The following SLC14A2 variants were observed in gnomAD, a reference collection of about 807,000 sequenced individuals.
SLC14A2 encodes the protein solute carrier family 14 member 2.
Under a neutral mutation model 104.6 loss-of-function variants are expected in SLC14A2, and 91 were observed. The observed-to-expected ratio is 0.87, with a 90% CI of 0.73 to 1.04. The LOEUF is 1.04. Among genes scored for constraint, SLC14A2 ranks in the 50% least tolerant of loss-of-function variants. The pLI, the probability that SLC14A2 is intolerant of heterozygous loss-of-function variation, is 0.00. For synonymous variants in SLC14A2, 476 were observed against 466.4 expected (o/e 1.02, Z -0.27); for missense variants, 1,189 against 1,156.0 (o/e 1.03, Z -0.41).
the SLC14A2 span, among the ~76,000 whole-genome samples, chr18:45,180,196 C>T: frequency 2.0e-5 from 3 of 151,916 alleles, no homozygotes; most frequent in African/African-American, 7.2e-5. Context: ...GGGCCTGGAG[C>T]CTGATTGACT....
chr18:45,307,960 C>T lies in SLC14A2; in HGVS notation c.-125+94769C>T, dbSNP rs141463689. On this transcript the variant is annotated intron_variant, in intron 1 of 20. Coordinates refer to the SLC14A2 transcript ENST00000586448. ...GAGGACCTCAGGGAGCTTCCAATCA[C>T]GGCTGAAGGTGAAGAGGTAGCAGAC... 3.1e-3 allele frequency among the ~76,000 whole-genome samples: 477 copies of T among 152,246 alleles called. 3 individuals are homozygous for T. The highest frequency in any genetic ancestry group is 0.011 in the African/African-American group (451 of 41,534).
intron 1 of SLC14A2, among the ~76,000 whole-genome samples, chr18:45,377,103 T>A (rs527757839): frequency 6.6e-6 from 1 of 152,320 alleles, no homozygotes; most frequent in African/African-American, 2.4e-5. Context: ...TTTCTAAAGG[T>A]GATGAAAACA....
chr18:45,287,217 G>A (rs919014488), intron 1 of SLC14A2, among the ~76,000 whole-genome samples: 1 of 152,250 alleles, frequency 6.6e-6, no homozygotes, highest in African/African-American at 2.4e-5. Context: ...CACCTGCTTA[G>A]AAGAGGGAAT....
At chr18:45,668,971 C>G (rs546405350) in intron 15 of SLC14A2, among the ~76,000 whole-genome samples, 1 of 132,924 alleles carries the variant, frequency 7.5e-6, no homozygotes, top group African/African-American at 3.0e-5. Flanking sequence ...CCCATGCACA[C>G]AGCCACTCAA....
chr18:45,391,145 G>T (rs535754977), intron 1 of SLC14A2, among the ~76,000 whole-genome samples: 1 of 151,646 alleles, frequency 6.6e-6, no homozygotes, highest in East Asian at 1.9e-4. Context: ...TGTTCTCATT[G>T]TTCAATTCCC....
the SLC14A2 span, among the ~76,000 whole-genome samples, chr18:45,170,923 G>A: frequency 2.0e-5 from 3 of 152,278 alleles, no homozygotes; most frequent in Admixed American, 6.5e-5. Flanking sequence ...GATGCAAAAT[G>A]TGTAACACCC....
At chr18:45,483,926 G>A (rs1294800580) in intron 2 of SLC14A2, among the ~76,000 whole-genome samples, 1 of 151,142 alleles carries the variant, frequency 6.6e-6, no homozygotes, top group Non-Finnish European at 1.5e-5. Flanking sequence ...ATCAGTGGGG[G>A]AGGAGGGTAA....
chr18:45,354,654 G>A (rs1175067655), intron 1 of SLC14A2, among the ~76,000 whole-genome samples: 1 of 152,200 alleles, frequency 6.6e-6, no homozygotes, highest in African/African-American at 2.4e-5. Flanking sequence ...TATATGTCTT[G>A]GCAAAGCCAC....
At chr18:45,239,330 G>A (rs1458231170) in intron 1 of SLC14A2, among the ~76,000 whole-genome samples, 1 of 152,230 alleles carries the variant, frequency 6.6e-6, no homozygotes, top group East Asian at 1.9e-4. Flanking sequence ...AGCTGATCTA[G>A]GGGAAGATTT....
the SLC14A2 span, chr18:45,181,155 T>A: frequency 6.6e-6 from 1 of 152,566 alleles, no homozygotes; most frequent in Non-Finnish European, 1.5e-5. Context: ...ACCAACCGAT[T>A]GCTCTCTCAT....
chr18:45,266,792 C>T lies in SLC14A2; in HGVS notation c.-125+53601C>T, dbSNP rs567768209. Among the ~76,000 whole-genome samples the T allele has an allele frequency of 5.5e-4, 83 of 152,064 alleles. 1 individual carries two copies. Among genetic ancestry groups the T allele is most frequent in the Non-Finnish European group, 8.7e-4 (59 of 68,010 alleles). On this transcript the variant is annotated intron_variant, in intron 1 of 20. Coordinates refer to the SLC14A2 transcript ENST00000586448. ...AATTGTATAGCTATGGCTGTCTGGC[C>T]GAATGCTGAGCTGGGTGATATGAGT...
At chr18:45,526,356 C>T (rs1241935313) in intron 2 of SLC14A2, among the ~76,000 whole-genome samples, 1 of 152,206 alleles carries the variant, frequency 6.6e-6, no homozygotes. Context: ...ATGTTCATTC[C>T]TAATTCTGGT....
At chr18:45,424,321 T>G (rs1323224474) in intron 1 of SLC14A2, among the ~76,000 whole-genome samples, 2 of 152,220 alleles carry the variant, frequency 1.3e-5, no homozygotes, top group Non-Finnish European at 2.9e-5. Context: ...GGGTTGGTTC[T>G]GTAGAGTGAG....
chr18:45,574,528 G>A (rs1433243106), intron 2 of SLC14A2, among the ~76,000 whole-genome samples: 1 of 152,134 alleles, frequency 6.6e-6, no homozygotes, highest in Non-Finnish European at 1.5e-5. Flanking sequence ...TCAGCTCTCT[G>A]CAGGTTGACA....
At chr18:45,360,130 GTTT>G (rs1337994998) in intron 1 of SLC14A2, among the ~76,000 whole-genome samples, 1 of 152,152 alleles carries the variant, frequency 6.6e-6, no homozygotes, top group African/African-American at 2.4e-5. Context: ...CCTCTGATTG[GTTT>G]TTTATTTCTC....
intron 2 of SLC14A2, among the ~76,000 whole-genome samples, chr18:45,498,188 G>A (rs1184479991): frequency 2.6e-5 from 4 of 152,192 alleles, no homozygotes; most frequent in Non-Finnish European, 4.4e-5. Flanking sequence ...TGTACATTGT[G>A]TAGTGCAAGT....
chr18:45,380,098 CTTTTG>C lies in SLC14A2; in HGVS notation c.-124-103134_-124-103130del, dbSNP rs1248976787. Among the ~76,000 whole-genome samples the C allele has an allele frequency of 2.0e-5, 3 of 152,304 alleles. No individual in the cohort carries two copies. The East Asian group carries it at 5.8e-4, about 29-fold the overall frequency. On this transcript the variant is annotated intron_variant, in intron 1 of 20. Coordinates refer to the SLC14A2 transcript ENST00000586448. ...TTATACCCTAGTACCTTTTAACTAT[CTTTTG>C]ATGGCACCACAACACTTTCTGGGCC... is the stretch of plus-strand genomic sequence containing the variant.
At chr18:45,677,461 T>C (rs1418594732) in intron 18 of SLC14A2, among the ~76,000 whole-genome samples, 12 of 152,312 alleles carry the variant, frequency 7.9e-5, no homozygotes, top group Non-Finnish European at 5.9e-5. Flanking sequence ...CAGAGCCAGA[T>C]GGCTGGAGCT....
chr18:45,577,077 A>G (rs1311652855), intron 2 of SLC14A2, among the ~76,000 whole-genome samples: 1 of 151,596 alleles, frequency 6.6e-6, no homozygotes, highest in East Asian at 1.9e-4. Flanking sequence ...GAACTCCACA[A>G]AAGAGGTAGT....
Sources: allele counts gnomAD v4.1 joint callset (sites outside exome capture counted in the v4.1 genomes callset), GRCh38; gene constraint gnomAD v4.1.1; transcripts MANE v1.5; gene names NCBI Gene and HGNC (gene_info 2026-07-23, HGNC 2026-07-21).